Variants in EPHA3 observed in about 807,000 individuals in gnomAD.
The protein encoded by EPHA3 is ephrin type-A receptor 3.
Under a neutral mutation model 107.1 loss-of-function variants are expected in EPHA3, and 42 were observed. That is an observed-to-expected ratio of 0.39 (90% CI 0.31 to 0.51). EPHA3 has a LOEUF of 0.51. EPHA3 is among the 20% of genes least tolerant of loss of function. The pLI, the probability that EPHA3 is intolerant of heterozygous loss-of-function variation, is 0.78. For missense variants in EPHA3, 1,183 were observed against 1,211.2 expected (o/e 0.98, Z 0.35); for synonymous variants, 461 against 424.8 (o/e 1.09, Z -1.05).
intron 2 of EPHA3, among the ~76,000 whole-genome samples, chr3:89,130,749 C>T (rs191212422): frequency 0.016 from 2,449 of 152,190 alleles, 59 homozygotes; most frequent in African/African-American, 0.054. Flanking sequence ...ATTCTCCTGC[C>T]TCAGCCTCCC....
At chr3:89,342,168 G>A in intron 5 of EPHA3, 78 bp downstream of exon 5, 1 of 1,343,076 alleles carries the variant, frequency 7.4e-7, no homozygotes, top group East Asian at 2.5e-5. Flanking sequence ...GGAAAACTGG[G>A]CGGAAGGAAA....
intron 3 of EPHA3, among the ~76,000 whole-genome samples, chr3:89,287,961 A>T (rs769443588): frequency 1.3e-5 from 2 of 152,110 alleles, no homozygotes; most frequent in African/African-American, 2.4e-5. Flanking sequence ...TGTTAATATA[A>T]GTCAGATTAC....
intron 3 of EPHA3, among the ~76,000 whole-genome samples, chr3:89,239,081 G>C (rs1386095655): frequency 6.6e-6 from 1 of 152,158 alleles, no homozygotes; most frequent in Admixed American, 6.5e-5. Context: ...GTATGCGAGA[G>C]TGATTAAACA....
At chr3:89,137,854 A>T (rs1015645542) in intron 2 of EPHA3, among the ~76,000 whole-genome samples, 17 of 152,104 alleles carry the variant, frequency 1.1e-4, no homozygotes, top group Non-Finnish European at 2.1e-4. Context: ...ATATACATAA[A>T]CTAACAGATC....
intron 2 of EPHA3, among the ~76,000 whole-genome samples, chr3:89,135,384 T>C (rs915044511): frequency 6.6e-6 from 1 of 152,178 alleles, no homozygotes; most frequent in African/African-American, 2.4e-5. Flanking sequence ...GTGAGGCCAA[T>C]CCCCATTTCA....
At chr3:89,201,624 C>A (rs1678511463) in intron 2 of EPHA3, among the ~76,000 whole-genome samples, 1 of 152,106 alleles carries the variant, frequency 6.6e-6, no homozygotes, top group Admixed American at 6.5e-5. Context: ...CAGCTATTCA[C>A]CAAAAATTGG....
chr3:89,393,890 T>C (rs534660996), intron 5 of EPHA3, among the ~76,000 whole-genome samples: 62 of 152,318 alleles, frequency 4.1e-4, no homozygotes, highest in African/African-American at 1.3e-3. Flanking sequence ...AAATAACTTA[T>C]CTTTTGCTTG....
intron 2 of EPHA3, among the ~76,000 whole-genome samples, chr3:89,170,149 G>C (rs1705178787): frequency 2.0e-5 from 3 of 152,084 alleles, no homozygotes; most frequent in African/African-American, 7.2e-5. Flanking sequence ...TGCTCTGCTC[G>C]GGAGGCTGAG....
intron 2 of EPHA3, among the ~76,000 whole-genome samples, chr3:89,149,975 G>A (rs1271967738): frequency 6.6e-6 from 1 of 151,910 alleles, no homozygotes; most frequent in Non-Finnish European, 1.5e-5. Context: ...ATATTTCTGT[G>A]TACAAGTACC....
At chr3:89,478,409 G>T (rs1710559677) in intron 16 of EPHA3, among the ~76,000 whole-genome samples, 1 of 152,172 alleles carries the variant, frequency 6.6e-6, no homozygotes, top group Non-Finnish European at 1.5e-5. Flanking sequence ...TCAGGTGGGT[G>T]ATTCTTTGTG....
intron 2 of EPHA3, among the ~76,000 whole-genome samples, chr3:89,151,557 G>T (rs945717424): frequency 3.9e-5 from 6 of 152,028 alleles, no homozygotes; most frequent in African/African-American, 7.2e-5. Flanking sequence ...CAGCTCACTG[G>T]TGCTTTGCGG....
intron 5 of EPHA3, among the ~76,000 whole-genome samples, chr3:89,345,875 T>C (rs1439455901): frequency 7.0e-6 from 1 of 142,874 alleles, no homozygotes; most frequent in African/African-American, 2.6e-5. Flanking sequence ...TGTTTGGTTT[T>C]TTGTTCTTGC....
chr3:89,123,133 TTTTG>T (rs1707426371), intron 1 of EPHA3, among the ~76,000 whole-genome samples: 1 of 152,154 alleles, frequency 6.6e-6, no homozygotes, highest in Non-Finnish European at 1.5e-5. Context: ...TTCCTCCTTT[TTTTG>T]TTTGTTTGCT....
At chr3:89,476,618 A>T (rs1486066038) in intron 16 of EPHA3, among the ~76,000 whole-genome samples, 26 of 87,176 alleles carry the variant, frequency 3.0e-4, no homozygotes, top group Non-Finnish European at 4.5e-4. Context: ...TATTTATTTA[A>T]TTTTTTTGAG....
chr3:89,163,604 G>T (rs1344533003), intron 2 of EPHA3, among the ~76,000 whole-genome samples: 1 of 152,130 alleles, frequency 6.6e-6, no homozygotes, highest in Non-Finnish European at 1.5e-5. Context: ...ATGTGGGAAT[G>T]AAACTTTGTA....
intron 16 of EPHA3, among the ~76,000 whole-genome samples, chr3:89,477,962 A>T (rs1710549790): frequency 6.6e-6 from 1 of 152,202 alleles, no homozygotes; most frequent in African/African-American, 2.4e-5. Flanking sequence ...ATGAAACAAG[A>T]AAAGAAAACA....
chr3:89,204,792 C>A (rs763540962), intron 2 of EPHA3, among the ~76,000 whole-genome samples: 2 of 151,988 alleles, frequency 1.3e-5, no homozygotes, highest in African/African-American at 2.4e-5. Flanking sequence ...CTGGTAAATG[C>A]CCAAATACTT....
intron 11 of EPHA3, among the ~76,000 whole-genome samples, chr3:89,424,709 A>C (rs1320370077): frequency 6.6e-6 from 1 of 151,430 alleles, no homozygotes; most frequent in Non-Finnish European, 1.5e-5. Context: ...CTTTTTATGA[A>C]ATCAAACAAC....
chr3:89,274,494 G>A lies in EPHA3; in HGVS notation c.814+63974G>A, dbSNP rs79843236. Among the ~76,000 whole-genome samples, 1,285 of 151,962 alleles carry A rather than the reference G, an allele frequency of 8.5e-3. 28 individuals carry two copies. In the East Asian group the frequency reaches 0.095, roughly 11 times the overall value. On this transcript the variant is annotated intron_variant, in intron 3 of 16. Coordinates refer to ENST00000336596, the MANE Select transcript of EPHA3 (RefSeq NM_005233.6). ...GTGTAATCATTAGACTTTGTCTAAT[G>A]ATCTGTGTTAAATTCTTACATTTTC...
Sources: allele counts gnomAD v4.1 joint callset (sites outside exome capture counted in the v4.1 genomes callset), GRCh38; gene constraint gnomAD v4.1.1; transcripts MANE v1.5; gene names NCBI Gene and HGNC (gene_info 2026-07-23, HGNC 2026-07-21).